Variants in ZMAT4 observed in about 807,000 individuals in gnomAD.
ZMAT4 encodes the protein zinc finger matrin-type protein 4.
A neutral mutation model predicts 28.7 loss-of-function variants in ZMAT4; 17 were observed. The ratio of observed to expected loss-of-function variants is 0.59; its 90% confidence interval spans 0.41 to 0.89. ZMAT4 has a LOEUF of 0.89. Among genes scored for constraint, ZMAT4 ranks in the 40% least tolerant of loss-of-function variants. The probability of loss-of-function intolerance (pLI) is 0.00; values close to 1 mark genes in which losing one functional copy is unlikely to be tolerated. For missense variants in ZMAT4, 240 were observed against 283.8 expected (o/e 0.85, Z 1.11); for synonymous variants, 117 against 109.2 (o/e 1.07, Z -0.44).
At chr8:40,603,923 G>A (rs66475106) in intron 5 of ZMAT4, among the ~76,000 whole-genome samples, 5,257 of 152,212 alleles carry the variant, frequency 0.035, 140 homozygotes, top group Middle Eastern at 0.065. Context: ...CCTTGTAGAT[G>A]TCTTTCATCT....
chr8:40,649,326 G>C (rs1452357830), intron 5 of ZMAT4, among the ~76,000 whole-genome samples: 1 of 152,124 alleles, frequency 6.6e-6, no homozygotes, highest in East Asian at 1.9e-4. Context: ...AAGAGACAAA[G>C]AAGGCCATTA....
chr8:40,628,493 T>C (rs982656489), intron 5 of ZMAT4, among the ~76,000 whole-genome samples: 1 of 152,236 alleles, frequency 6.6e-6, no homozygotes, highest in Non-Finnish European at 1.5e-5. Flanking sequence ...ATACTGCTAA[T>C]AACACAATGA....
intron 3 of ZMAT4, among the ~76,000 whole-genome samples, chr8:40,744,463 G>T (rs540919027): frequency 2.0e-5 from 3 of 152,138 alleles, no homozygotes; most frequent in Admixed American, 6.5e-5. Context: ...CTTAAATAAG[G>T]GCATCTTAAA....
chr8:40,556,339 A>T (rs1361756664), intron 6 of ZMAT4, among the ~76,000 whole-genome samples: 1 of 152,066 alleles, frequency 6.6e-6, no homozygotes, highest in African/African-American at 2.4e-5. Flanking sequence ...CATGAATACA[A>T]TTCAACTCAT....
chr8:40,601,485 G>A (rs1563360078), intron 5 of ZMAT4, among the ~76,000 whole-genome samples: 1 of 133,274 alleles, frequency 7.5e-6, no homozygotes, highest in East Asian at 2.4e-4. Context: ...AAGAAAGAAA[G>A]AAAGAAAGAG....
chr8:40,881,291 A>G (rs1818212235), intron 1 of ZMAT4, among the ~76,000 whole-genome samples: 1 of 151,664 alleles, frequency 6.6e-6, no homozygotes, highest in Non-Finnish European at 1.5e-5. Context: ...GAGGAGGCTG[A>G]GGCAGGAGAA....
chr8:40,697,102 G>A (rs1809920983), intron 4 of ZMAT4, 143 bp downstream of exon 4: 1 of 971,832 alleles, frequency 1.0e-6, no homozygotes, highest in Non-Finnish European at 1.5e-6. Flanking sequence ...GCTGAGGTCA[G>A]CCACTCATCC....
intron 3 of ZMAT4, among the ~76,000 whole-genome samples, chr8:40,706,167 C>T (rs1250532135): frequency 6.6e-6 from 1 of 152,160 alleles, no homozygotes; most frequent in African/African-American, 2.4e-5. Context: ...ATTCTCCTGC[C>T]TCAGACTCCT....
At chr8:40,720,893 G>A (rs1811057309) in intron 3 of ZMAT4, among the ~76,000 whole-genome samples, 1 of 152,252 alleles carries the variant, frequency 6.6e-6, no homozygotes, top group East Asian at 1.9e-4. Context: ...GGAGGGAAGG[G>A]GGGGAAATAG....
At chr8:40,756,624 AGTGTGT>A (rs58686349) in intron 3 of ZMAT4, among the ~76,000 whole-genome samples, 2,048 of 139,502 alleles carry the variant, frequency 0.015, 41 homozygotes, top group African/African-American at 0.046. Flanking sequence ...TATGTTTGTA[AGTGTGT>A]GTGTGTGTGT....
chr8:40,787,475 G>A (rs1328321335), intron 2 of ZMAT4, among the ~76,000 whole-genome samples: 2 of 152,202 alleles, frequency 1.3e-5, no homozygotes, highest in East Asian at 1.9e-4. Flanking sequence ...CAATTTCATG[G>A]ATGGAAGATT....
intron 1 of ZMAT4, among the ~76,000 whole-genome samples, chr8:40,828,565 AT>A (rs1158492955): frequency 1.3e-5 from 2 of 152,250 alleles, no homozygotes; most frequent in Non-Finnish European, 2.9e-5. Flanking sequence ...ACTAAAAAAA[AT>A]TCAAGGGAAG....
At chr8:40,837,823 G>A (rs1411792235) in intron 1 of ZMAT4, among the ~76,000 whole-genome samples, 1 of 152,210 alleles carries the variant, frequency 6.6e-6, no homozygotes, top group African/African-American at 2.4e-5. Context: ...CACGGGCTGG[G>A]AGCATCTTTA....
chr8:40,808,982 G>A (rs1178163638), intron 2 of ZMAT4, among the ~76,000 whole-genome samples: 1 of 152,046 alleles, frequency 6.6e-6, no homozygotes, highest in Non-Finnish European at 1.5e-5. Context: ...CTGCTGGGTC[G>A]ATTATTCTGT....
intron 3 of ZMAT4, among the ~76,000 whole-genome samples, chr8:40,760,732 C>CTCTCTT (rs1409703561): frequency 2.6e-5 from 4 of 151,520 alleles, no homozygotes; most frequent in Admixed American, 2.6e-4. Context: ...CTCTCTCTCT[C>CTCTCTT]TCTGTCATGC....
chr8:40,581,994 G>A (rs896272432), intron 5 of ZMAT4, among the ~76,000 whole-genome samples: 17 of 152,128 alleles, frequency 1.1e-4, no homozygotes, highest in African/African-American at 2.4e-4. Context: ...AACATTTGCC[G>A]CAGAGCTGAG....
intron 2 of ZMAT4, among the ~76,000 whole-genome samples, chr8:40,769,028 A>G (rs1297470263): frequency 6.6e-6 from 1 of 152,174 alleles, no homozygotes; most frequent in Non-Finnish European, 1.5e-5. Context: ...TTCCTCATTC[A>G]TCACTTTCTT....
intron 1 of ZMAT4, among the ~76,000 whole-genome samples, chr8:40,862,595 AAAAAAG>A (rs1345841763): frequency 5.5e-4 from 80 of 145,966 alleles, no homozygotes; most frequent in Middle Eastern, 3.7e-3. Context: ...AAAAAAAAAA[AAAAAAG>A]AAAATTTGGC....
intron 5 of ZMAT4, among the ~76,000 whole-genome samples, chr8:40,602,491 G>T (rs553229001): frequency 3.3e-5 from 5 of 152,164 alleles, no homozygotes; most frequent in Admixed American, 2.0e-4. Context: ...CACACCAAAG[G>T]GTGTAAAAGT....
Sources: gnomAD v4.1 joint callset for allele counts (sites outside exome capture counted in the v4.1 genomes callset) on GRCh38, gnomAD v4.1.1 for gene constraint, MANE v1.5 for transcripts, NCBI Gene and HGNC (gene_info 2026-07-23, HGNC 2026-07-21) for gene names.